Variants in ZNF704 observed in about 807,000 individuals in gnomAD.
ZNF704 encodes the protein glucocorticoid induced gene 1.
In ZNF704, 10 loss-of-function variants were observed where a neutral mutation model predicts 44.7. The ratio of observed to expected loss-of-function variants is 0.22; its 90% CI spans 0.14 to 0.38. The LOEUF (loss-of-function observed/expected upper bound fraction) is 0.38, where lower values mean the gene tolerates loss of function less well. Ranked by LOEUF, ZNF704 falls within the 10% of genes least tolerant of loss-of-function variation. The pLI is 1.00. For synonymous variants in ZNF704, 211 were observed against 207.6 expected, an observed-to-expected ratio of 1.02 and a Z score of -0.14; for missense variants, 390 against 545.5, an observed-to-expected ratio of 0.71 and a Z score of 2.84.
chr8:80,682,926 T>C (rs1818476938), intron 4 of ZNF704, among the ~76,000 whole-genome samples: 1 of 152,144 alleles, frequency 6.6e-6, no homozygotes, highest in Non-Finnish European at 1.5e-5. Flanking sequence ...CATGACAATT[T>C]TGGAATGCAC....
intron 3 of ZNF704, among the ~76,000 whole-genome samples, chr8:80,691,013 T>TAAAA (rs879420810): frequency 7.5e-6 from 1 of 134,118 alleles, no homozygotes; most frequent in Non-Finnish European, 1.6e-5. Flanking sequence ...CATCTCAAAT[T>TAAAA]AAAAAAAAAA....
At chr8:80,880,296 T>C in the ZNF704 span, among the ~76,000 whole-genome samples, 4,126 of 152,224 alleles carry the variant, frequency 0.027, 207 homozygotes, top group African/African-American at 0.095. Flanking sequence ...CAAGGGTGGA[T>C]GGCTGTGATG....
chr8:80,727,930 A>T (rs1458124912), intron 2 of ZNF704, among the ~76,000 whole-genome samples: 1 of 152,192 alleles, frequency 6.6e-6, no homozygotes, highest in Non-Finnish European at 1.5e-5. Flanking sequence ...TCAGTAAATA[A>T]GTCACTGATT....
intron 2 of ZNF704, among the ~76,000 whole-genome samples, chr8:80,714,254 A>AAGCAGAG (rs1229405552): frequency 1.3e-5 from 2 of 152,168 alleles, no homozygotes; most frequent in Non-Finnish European, 2.9e-5. Flanking sequence ...TACTGATGAA[A>AAGCAGAG]AGCAGCTGTA....
intron 4 of ZNF704, 58 bp downstream of exon 4, chr8:80,687,168 G>C: frequency 1.3e-6 from 2 of 1,492,150 alleles, no homozygotes; most frequent in Non-Finnish European, 1.8e-6. Context: ...CCCTTCAGAG[G>C]GGACAGAAAG....
intron 7 of ZNF704, among the ~76,000 whole-genome samples, 156 bp downstream of exon 7, chr8:80,659,429 A>G (rs1478030855): frequency 3.9e-5 from 6 of 152,228 alleles, no homozygotes; most frequent in East Asian, 1.9e-4. Context: ...AAAAGAAGTG[A>G]TATCTGCTGA....
chr8:80,783,088 T>C (rs1030745701), intron 2 of ZNF704, among the ~76,000 whole-genome samples: 4 of 152,160 alleles, frequency 2.6e-5, no homozygotes, highest in East Asian at 1.9e-4. Flanking sequence ...ATAAAGTCTA[T>C]ACATTTGCAC....
chr8:80,648,606 C>T (rs1192227028), intron 7 of ZNF704, among the ~76,000 whole-genome samples: 1 of 152,166 alleles, frequency 6.6e-6, no homozygotes, highest in Non-Finnish European at 1.5e-5. Flanking sequence ...CTACATCTTA[C>T]AGATAGAGAA....
At chr8:80,760,453 C>T (rs975364085) in intron 2 of ZNF704, among the ~76,000 whole-genome samples, 2 of 151,888 alleles carry the variant, frequency 1.3e-5, no homozygotes, top group East Asian at 1.9e-4. Flanking sequence ...GTCAAGAGAT[C>T]GAGACCATCC....
chr8:80,869,624 T>C (rs906021417), intron 1 of ZNF704, among the ~76,000 whole-genome samples: 17 of 152,222 alleles, frequency 1.1e-4, no homozygotes, highest in African/African-American at 3.9e-4. Context: ...TTTTTTCTTT[T>C]CTCTACATCT....
rs1037954992 is a variant in ZNF704 at position 80,636,558 on chromosome 8, G to T, written c.*4808C>A. The T allele has an allele frequency of 6.6e-6, 1 of 152,152 alleles. No individual in the cohort carries two copies. Among genetic ancestry groups the T allele is most frequent in the South Asian group, 2.1e-4 (1 of 4,828 alleles). 9.4% of individuals were successfully genotyped at this position (152,152 alleles called of 1,614,324 possible). On this transcript the variant is annotated 3_prime_UTR_variant, in exon 9 of 9. Coordinates refer to ENST00000327835, the MANE Select transcript of ZNF704 (RefSeq NM_001033723.3). ...GTTTGGCTAGTTACAATGCAAAAAA[G>T]ATACATGAAACAGTTCCAATATGGA...
At chr8:80,850,295 A>G (rs1368772937) in intron 1 of ZNF704, among the ~76,000 whole-genome samples, 1 of 152,188 alleles carries the variant, frequency 6.6e-6, no homozygotes, top group Non-Finnish European at 1.5e-5. Context: ...TTCAGAATGA[A>G]TCGACTATCA....
intron 1 of ZNF704, among the ~76,000 whole-genome samples, chr8:80,855,125 C>G (rs548922746): frequency 1.3e-5 from 2 of 152,200 alleles, no homozygotes; most frequent in East Asian, 3.9e-4. Context: ...CTTTCTTGTT[C>G]AATAGTATAT....
chr8:80,753,448 C>CA (rs931860759), intron 2 of ZNF704, among the ~76,000 whole-genome samples: 2,209 of 130,306 alleles, frequency 0.017, 44 homozygotes, highest in African/African-American at 0.048. Context: ...GCCACTTGGA[C>CA]AAAAAAAAAA....
At chr8:80,689,250 C>T (rs949470903) in intron 3 of ZNF704, among the ~76,000 whole-genome samples, 1 of 152,038 alleles carries the variant, frequency 6.6e-6, no homozygotes, top group African/African-American at 2.4e-5. Context: ...TCATAACTAC[C>T]TTTACCTATT....
intron 1 of ZNF704, among the ~76,000 whole-genome samples, chr8:80,849,853 C>T (rs1808828665): frequency 6.6e-6 from 1 of 152,158 alleles, no homozygotes; most frequent in Non-Finnish European, 1.5e-5. Flanking sequence ...TAGTTTTTTA[C>T]ACTTATATAG....
At chr8:80,680,114 G>C (rs1818430004) in intron 4 of ZNF704, among the ~76,000 whole-genome samples, 1 of 152,114 alleles carries the variant, frequency 6.6e-6, no homozygotes, top group Non-Finnish European at 1.5e-5. Flanking sequence ...TTTCTTGACA[G>C]AACCCAGAGT....
At chr8:80,787,674 T>C (rs1277518281) in intron 2 of ZNF704, among the ~76,000 whole-genome samples, 2 of 152,144 alleles carry the variant, frequency 1.3e-5, no homozygotes, top group African/African-American at 4.8e-5. Flanking sequence ...CCCTTCCCAG[T>C]ATATTTTCTG....
intron 2 of ZNF704, among the ~76,000 whole-genome samples, chr8:80,772,686 G>A (rs1293249454): frequency 2.0e-5 from 3 of 151,958 alleles, no homozygotes; most frequent in Non-Finnish European, 4.4e-5. Context: ...ATTTGGGTGG[G>A]GACACAGAGC....
Sources: allele counts gnomAD v4.1 joint callset (sites outside exome capture counted in the v4.1 genomes callset), GRCh38; gene constraint gnomAD v4.1.1; transcripts MANE v1.5; gene names NCBI Gene and HGNC (gene_info 2026-07-23, HGNC 2026-07-21).